The following HK1 variants were observed in gnomAD, a reference collection of about 807,000 sequenced individuals.
HK1 encodes hexokinase-1.
A neutral mutation model predicts 91.6 loss-of-function variants in HK1; 28 were observed. That is an observed-to-expected ratio of 0.31 (90% confidence interval 0.23 to 0.42). HK1 has a LOEUF of 0.42. Among genes scored for constraint, HK1 ranks in the 10% least tolerant of loss-of-function variants. The pLI, the probability that HK1 is intolerant of heterozygous loss-of-function variation, is 1.00. For missense variants in HK1, 770 were observed against 1,219.8 expected, an observed-to-expected ratio of 0.63 and a Z score of 5.49; for synonymous variants, 430 against 468.1, an observed-to-expected ratio of 0.92 and a Z score of 1.05.
intron 1 of HK1, among the ~76,000 whole-genome samples, chr10:69,280,523 A>G (rs926162657): frequency 1.3e-5 from 2 of 152,168 alleles, no homozygotes; most frequent in Admixed American, 1.3e-4. Context: ...TTGAAACCTA[A>G]TCTCCGATAT....
At chr10:69,378,166 C>T (rs139025657) in intron 8 of HK1, among the ~76,000 whole-genome samples, 4 of 152,208 alleles carry the variant, frequency 2.6e-5, no homozygotes, top group Admixed American at 2.0e-4. Context: ...GCGGGAGACT[C>T]GTGGATTGTC....
At chr10:69,340,749 GAC>G (rs1033668290) in intron 1 of HK1, among the ~76,000 whole-genome samples, 17 of 152,034 alleles carry the variant, frequency 1.1e-4, no homozygotes, top group African/African-American at 4.1e-4. Context: ...CCACGCAGCA[GAC>G]ACACAACTCT....
intron 5 of HK1, among the ~76,000 whole-genome samples, chr10:69,307,133 G>C (rs1445279510): frequency 6.6e-6 from 1 of 152,108 alleles, no homozygotes; most frequent in Admixed American, 6.5e-5. Context: ...ATATAATCAC[G>C]AACTTGGGAG....
chr10:69,396,478 C>G (rs1166338067), intron 16 of HK1, among the ~76,000 whole-genome samples: 2 of 151,948 alleles, frequency 1.3e-5, no homozygotes, highest in African/African-American at 2.4e-5. Context: ...AAACTCTGTA[C>G]GCAGCAAACA....
chr10:69,277,168 A>T (rs1844515261), intron 1 of HK1, among the ~76,000 whole-genome samples: 1 of 152,164 alleles, frequency 6.6e-6, no homozygotes, highest in African/African-American at 2.4e-5. Context: ...CTGTTCTTTA[A>T]ATCTATTACC....
intron 2 of HK1, among the ~76,000 whole-genome samples, chr10:69,284,421 T>G (rs1200387941): frequency 1.3e-5 from 2 of 152,130 alleles, no homozygotes; most frequent in Non-Finnish European, 2.9e-5. Flanking sequence ...GAGAGTTGCT[T>G]AAGGGCAAAG....
chr10:69,319,944 C>A (rs752136721), intron 1 of HK1, among the ~76,000 whole-genome samples: 2 of 152,154 alleles, frequency 1.3e-5, no homozygotes, highest in Non-Finnish European at 2.9e-5. Context: ...CCACCCTGAA[C>A]GTGGTGACGT....
intron 1 of HK1, among the ~76,000 whole-genome samples, chr10:69,276,337 T>C (rs1017220095): frequency 2.6e-5 from 4 of 151,794 alleles, no homozygotes; most frequent in Non-Finnish European, 5.9e-5. Context: ...CAATTCTTGC[T>C]TTAATATTTA....
chr10:69,306,080 GGC>G (rs1564497836), intron 5 of HK1, among the ~76,000 whole-genome samples: 1 of 152,072 alleles, frequency 6.6e-6, no homozygotes, highest in Non-Finnish European at 1.5e-5. Flanking sequence ...GGTGGGGCTG[GGC>G]ACGGTGGCTC....
At chr10:69,299,060 C>A (rs1470869094) in intron 4 of HK1, among the ~76,000 whole-genome samples, 1 of 151,476 alleles carries the variant, frequency 6.6e-6, no homozygotes, top group Non-Finnish European at 1.5e-5. Flanking sequence ...CTGCCTCAGC[C>A]TCCCAAGTAC....
chr10:69,366,149 T>C (rs954940372), intron 4 of HK1, among the ~76,000 whole-genome samples: 3 of 152,186 alleles, frequency 2.0e-5, no homozygotes, highest in African/African-American at 7.2e-5. Context: ...TTTTAATACA[T>C]ACTTCACAGG....
chr10:69,328,137 A>G (rs1056471731), intron 1 of HK1, among the ~76,000 whole-genome samples: 3 of 151,840 alleles, frequency 2.0e-5, no homozygotes, highest in African/African-American at 7.3e-5. Context: ...CTCAGAGAAA[A>G]CTCAAGCCAG....
chr10:69,308,295 C>T (rs549992034), intron 5 of HK1, among the ~76,000 whole-genome samples: 1 of 152,184 alleles, frequency 6.6e-6, no homozygotes, highest in South Asian at 2.1e-4. Context: ...GGACAAGCTG[C>T]AGACAAAACT....
intron 15 of HK1, among the ~76,000 whole-genome samples, chr10:69,393,225 C>T (rs1231013910): frequency 6.6e-6 from 1 of 152,204 alleles, no homozygotes; most frequent in Non-Finnish European, 1.5e-5. Context: ...AGGTGATCCG[C>T]CTGTCTAGGT....
At chr10:69,392,679 G>A (rs1429237222) in intron 15 of HK1, among the ~76,000 whole-genome samples, 7 of 152,204 alleles carry the variant, frequency 4.6e-5, no homozygotes, top group Non-Finnish European at 1.0e-4. Flanking sequence ...TGTCGCAATC[G>A]TCCTTTCCTC....
In HK1 at chr10:69,346,817, C is replaced by T. The variant is rs537799689; in HGVS notation, c.226+2828C>T. Among the ~76,000 whole-genome samples, 5 of 152,146 alleles carry T rather than the reference C, an allele frequency of 3.3e-5. No homozygotes were observed. In the South Asian group the frequency reaches 1.0e-3, roughly 32 times the overall value. The stretch of plus-strand genomic sequence containing the variant: ...GAAGGAAAATATTGAAGCCTCTTAA[C>T]ATTGGTGATTTGGCTAAATAGAATT... On this transcript the variant is annotated intron_variant, in intron 2 of 17. Transcript: ENST00000359426.
chr10:69,306,556 AG>A (rs1254415386), intron 5 of HK1, among the ~76,000 whole-genome samples: 5 of 152,250 alleles, frequency 3.3e-5, no homozygotes, highest in African/African-American at 1.2e-4. Flanking sequence ...AGGAGGGTGG[AG>A]GAACAGTCAG....
intron 7 of HK1, among the ~76,000 whole-genome samples, chr10:69,376,214 G>A (rs1323587072): frequency 3.3e-5 from 5 of 152,146 alleles, no homozygotes; most frequent in Non-Finnish European, 7.3e-5. Flanking sequence ...CAGGGCTTGG[G>A]GTCTCCCATA....
intron 2 of HK1, among the ~76,000 whole-genome samples, chr10:69,283,194 C>A (rs1446907052): frequency 6.7e-6 from 1 of 149,324 alleles, no homozygotes; most frequent in African/African-American, 2.5e-5. Context: ...CACATGTAAT[C>A]CCAGCACTTT....
Sources: gnomAD v4.1 joint callset for allele counts (sites outside exome capture counted in the v4.1 genomes callset) on GRCh38, gnomAD v4.1.1 for gene constraint, MANE v1.5 for transcripts, NCBI Gene and HGNC (gene_info 2026-07-23, HGNC 2026-07-21) for gene names.